PSD3: variants seen among roughly 807,000 people sequenced by gnomAD.
PSD3 encodes PH and SEC7 domain-containing protein 3.
PSD3 carries 49 observed loss-of-function variants against 105.5 expected under a neutral mutation model. The ratio of observed to expected loss-of-function variants is 0.46; its 90% confidence interval spans 0.37 to 0.59. The LOEUF (loss-of-function observed/expected upper bound fraction) is 0.59. Ranked by LOEUF, PSD3 falls within the 20% of genes least tolerant of loss-of-function variation. PSD3 has a pLI of 0.00. For synonymous variants in PSD3, 557 were observed against 457.8 expected (o/e 1.22, Z -2.77); for missense variants, 1,561 against 1,263.8 (o/e 1.24, Z -3.57).
intron 9 of PSD3, among the ~76,000 whole-genome samples, chr8:18,657,154 T>C (rs7016666): frequency 0.013 from 1,983 of 152,284 alleles, 40 homozygotes; most frequent in African/African-American, 0.044. Flanking sequence ...GTTCAGAAAG[T>C]TGTCCAAGCA....
rs147993456 is a variant in PSD3 at position 18,963,394 on chromosome 8, C to A, written c.22-27252G>T. Reference sequence around the variant, plus strand: ...AATTTCCTTCAAAACTTTTCTCATGCAAATACCAGAGCCTCTGACGTTTCT... The same window carrying A: ...AATTTCCTTCAAAACTTTTCTCATGAAAATACCAGAGCCTCTGACGTTTCT... On this transcript the variant is annotated intron_variant, in intron 1 of 15. Transcript: ENST00000327040. 2.9e-3 allele frequency among the ~76,000 whole-genome samples: 447 copies of A among 152,314 alleles called. 3 individuals are homozygous for A. Among genetic ancestry groups the A allele is most frequent in the African/African-American group, 0.01 (426 of 41,562 alleles).
At position 18,624,258 on chromosome 8, in the gene PSD3, T is replaced by C. The variant is rs952858198; in HGVS notation, c.2410+8355A>G. On this transcript the variant is annotated intron_variant, in intron 11 of 15. Coordinates refer to ENST00000327040, the MANE Select transcript of PSD3 (RefSeq NM_015310.4). ...AAGAGGGCCCATTGCTCCAAATCCT[T>C]ACCAACACTTGGTATTCTTTTAATT... Among the ~76,000 whole-genome samples the C allele has an allele frequency of 4.9e-4, 74 of 152,212 alleles. 1 individual carries two copies. The highest frequency in any genetic ancestry group is 8.1e-4 in the Non-Finnish European group (55 of 68,014).
chr8:18,667,392 C>T (rs1173075389), intron 9 of PSD3, among the ~76,000 whole-genome samples: 2 of 152,186 alleles, frequency 1.3e-5, no homozygotes, highest in Non-Finnish European at 2.9e-5. Flanking sequence ...GGTGCATTTA[C>T]AAACCTTGAG....
chr8:18,877,680 T>C (rs1190849370), intron 2 of PSD3, among the ~76,000 whole-genome samples: 1 of 151,920 alleles, frequency 6.6e-6, no homozygotes, highest in Non-Finnish European at 1.5e-5. Flanking sequence ...TAGCTGGGGC[T>C]ATACGCATGC....
chr8:18,760,646 T>C (rs1806438660), intron 9 of PSD3, among the ~76,000 whole-genome samples: 1 of 152,216 alleles, frequency 6.6e-6, no homozygotes, highest in Non-Finnish European at 1.5e-5. Flanking sequence ...CTGATGAACA[T>C]TTAGGATGAT....
intron 4 of PSD3, among the ~76,000 whole-genome samples, chr8:18,821,406 G>C (rs930156278): frequency 7.9e-6 from 1 of 127,270 alleles, no homozygotes; most frequent in African/African-American, 2.6e-5. Context: ...ATAATACCAG[G>C]TTCCAAAAAG....
At chr8:19,005,854 G>A (rs1356742129) in intron 1 of PSD3, among the ~76,000 whole-genome samples, 1 of 151,758 alleles carries the variant, frequency 6.6e-6, no homozygotes, top group African/African-American at 2.4e-5. Flanking sequence ...ACAACTCCAT[G>A]AACATACTAA....
intron 14 of PSD3, among the ~76,000 whole-genome samples, chr8:18,563,883 A>G (rs1019955255): frequency 4.6e-5 from 7 of 152,184 alleles, no homozygotes; most frequent in Non-Finnish European, 8.8e-5. Context: ...ACTGGAAGAG[A>G]GATCACAAGT....
chr8:18,713,115 G>A (rs1227992951), intron 9 of PSD3, among the ~76,000 whole-genome samples: 1 of 152,044 alleles, frequency 6.6e-6, no homozygotes, highest in Non-Finnish European at 1.5e-5. Context: ...GAATAAACTA[G>A]GTATTGAAGG....
chr8:18,988,568 GCTGA>G (rs1296700284), intron 1 of PSD3, among the ~76,000 whole-genome samples: 1 of 151,368 alleles, frequency 6.6e-6, no homozygotes, highest in African/African-American at 2.4e-5. Flanking sequence ...CATGGTTGTA[GCTGA>G]CTAATTACCC....
At chr8:19,033,530 C>T (rs1434425544) in intron 1 of PSD3, among the ~76,000 whole-genome samples, 1 of 151,196 alleles carries the variant, frequency 6.6e-6, no homozygotes, top group Non-Finnish European at 1.5e-5. Context: ...TCCTTCTCTG[C>T]TTTGAGCTCT....
chr8:18,697,136 T>G (rs1160604302), intron 9 of PSD3, among the ~76,000 whole-genome samples: 1 of 152,142 alleles, frequency 6.6e-6, no homozygotes, highest in Non-Finnish European at 1.5e-5. Flanking sequence ...CAATGAGATA[T>G]TTTACATTAT....
At chr8:18,998,601 C>T (rs1432623209) in intron 1 of PSD3, among the ~76,000 whole-genome samples, 6 of 152,080 alleles carry the variant, frequency 3.9e-5, no homozygotes, top group African/African-American at 7.2e-5. Flanking sequence ...GCAGAAGAAT[C>T]GCTTGAACGC....
At chr8:19,009,519 G>A (rs1466777599) in intron 1 of PSD3, among the ~76,000 whole-genome samples, 1 of 151,926 alleles carries the variant, frequency 6.6e-6, no homozygotes, top group Admixed American at 6.6e-5. Context: ...ACCCAAGTAA[G>A]AACTCAATAA....
intron 2 of PSD3, among the ~76,000 whole-genome samples, chr8:18,879,306 C>T (rs1479121376): frequency 6.6e-6 from 1 of 152,094 alleles, no homozygotes. Context: ...AAGAGGGAGA[C>T]AGGGCAAGGC....
At chr8:18,740,267 C>A (rs977388606) in intron 9 of PSD3, among the ~76,000 whole-genome samples, 2 of 152,298 alleles carry the variant, frequency 1.3e-5, no homozygotes, top group Middle Eastern at 3.4e-3. Flanking sequence ...CCTGGATCGC[C>A]CCCACACTGC....
intron 2 of PSD3, among the ~76,000 whole-genome samples, chr8:18,929,353 A>C (rs1468420884): frequency 6.6e-6 from 1 of 152,184 alleles, no homozygotes; most frequent in Admixed American, 6.5e-5. Context: ...GTAGAGCCAC[A>C]GAGAAGCTAG....
At chr8:18,566,997 T>G (rs1801816190) in intron 14 of PSD3, among the ~76,000 whole-genome samples, 2 of 152,146 alleles carry the variant, frequency 1.3e-5, no homozygotes, top group Non-Finnish European at 2.9e-5. Flanking sequence ...TAGTATACAG[T>G]CCCTAAATAG....
chr8:18,852,466 G>A (rs577797400), intron 4 of PSD3, among the ~76,000 whole-genome samples: 8 of 152,340 alleles, frequency 5.3e-5, no homozygotes, highest in Middle Eastern at 3.4e-3. Flanking sequence ...GTCCTTTCTT[G>A]AGTGGGTCAC....
Sources: allele counts gnomAD v4.1 joint callset (sites outside exome capture counted in the v4.1 genomes callset), GRCh38; gene constraint gnomAD v4.1.1; transcripts MANE v1.5; gene names NCBI Gene and HGNC (gene_info 2026-07-23, HGNC 2026-07-21).